The following TANGO6 variants were observed in gnomAD, a reference collection of about 807,000 sequenced individuals.
The protein encoded by TANGO6 is transport and golgi organization 6 homolog.
Under a neutral mutation model 114.2 loss-of-function variants are expected in TANGO6, and 90 were observed. The ratio of observed to expected loss-of-function variants is 0.79; its 90% CI spans 0.66 to 0.94. TANGO6 has a LOEUF of 0.94. Ranked by LOEUF, TANGO6 falls within the 40% of genes least tolerant of loss-of-function variation. TANGO6 has a pLI of 0.00. For synonymous variants in TANGO6, 477 were observed against 509.8 expected, an observed-to-expected ratio of 0.94 and a Z score of 0.87; for missense variants, 1,274 against 1,315.3, an observed-to-expected ratio of 0.97 and a Z score of 0.49.
At chr16:68,869,122 A>G (rs1962226093) in intron 4 of TANGO6, among the ~76,000 whole-genome samples, 1 of 151,960 alleles carries the variant, frequency 6.6e-6, no homozygotes, top group Admixed American at 6.6e-5. Flanking sequence ...TTAGTTTTCT[A>G]TGTGCTTATC....
At chr16:68,997,370 G>T (rs1417393350) in intron 15 of TANGO6, among the ~76,000 whole-genome samples, 1 of 152,160 alleles carries the variant, frequency 6.6e-6, no homozygotes, top group African/African-American at 2.4e-5. Context: ...TTCTGAACAG[G>T]GATGGATTAT....
chr16:68,964,012 C>A (rs896467039), intron 14 of TANGO6, among the ~76,000 whole-genome samples: 2 of 152,028 alleles, frequency 1.3e-5, no homozygotes, highest in African/African-American at 2.4e-5. Context: ...GTTGCAAATT[C>A]TTTTTACTTT....
At chr16:68,946,911 T>C (rs553667865) in intron 14 of TANGO6, among the ~76,000 whole-genome samples, 3 of 152,338 alleles carry the variant, frequency 2.0e-5, no homozygotes, top group Non-Finnish European at 4.4e-5. Flanking sequence ...TTGTACAGAT[T>C]TCACTCTTAC....
chr16:68,846,138 A>G (rs1961798287), intron 1 of TANGO6, among the ~76,000 whole-genome samples: 1 of 151,042 alleles, frequency 6.6e-6, no homozygotes, highest in African/African-American at 2.4e-5. Context: ...TGATTCTTCT[A>G]CCTCAGCCTC....
chr16:69,056,870 C>T (rs942121890), intron 17 of TANGO6, among the ~76,000 whole-genome samples: 8 of 151,920 alleles, frequency 5.3e-5, no homozygotes, highest in Admixed American at 2.6e-4. Flanking sequence ...TTTGTAGAGA[C>T]GGGGTTTCAC....
At chr16:68,912,360 G>A (rs939524610) in intron 11 of TANGO6, among the ~76,000 whole-genome samples, 1 of 151,946 alleles carries the variant, frequency 6.6e-6, no homozygotes, top group Non-Finnish European at 1.5e-5. Flanking sequence ...TAGACCGGGT[G>A]CAGTGGCTCA....
chr16:68,990,034 C>T (rs745608203), intron 15 of TANGO6, among the ~76,000 whole-genome samples: 5 of 152,118 alleles, frequency 3.3e-5, no homozygotes, highest in Non-Finnish European at 7.4e-5. Flanking sequence ...CTCTTTTTCT[C>T]TCTTTCTCGC....
intron 14 of TANGO6, among the ~76,000 whole-genome samples, chr16:68,970,160 C>T (rs1963688282): frequency 6.6e-6 from 1 of 152,014 alleles, no homozygotes; most frequent in Non-Finnish European, 1.5e-5. Context: ...TATAGTTAGC[C>T]CACTCAAACC....
intron 17 of TANGO6, among the ~76,000 whole-genome samples, chr16:69,079,555 C>G (rs934959557): frequency 1.3e-4 from 20 of 151,112 alleles, no homozygotes; most frequent in African/African-American, 1.9e-4. Context: ...ATTTGCAACT[C>G]ATATGACAGA....
At chr16:68,923,879 C>G (rs1327368872) in intron 12 of TANGO6, among the ~76,000 whole-genome samples, 1 of 152,204 alleles carries the variant, frequency 6.6e-6, no homozygotes, top group African/African-American at 2.4e-5. Flanking sequence ...TTGAAAAACA[C>G]TGCCCTCACC....
At chr16:68,899,039 G>A (rs931336877) in intron 7 of TANGO6, among the ~76,000 whole-genome samples, 16 of 151,554 alleles carry the variant, frequency 1.1e-4, no homozygotes, top group East Asian at 7.8e-4. Context: ...TAGGGAGGAC[G>A]AGACAGGAGG....
In TANGO6 at chr16:69,065,551, C is replaced by T. The variant is rs55870425; in HGVS notation, c.3109-17934C>T. Among the ~76,000 whole-genome samples, 980 of 152,292 alleles carry T rather than the reference C, an allele frequency of 6.4e-3. 8 individuals are homozygous for T. The highest frequency in any genetic ancestry group is 0.02 in the African/African-American group (839 of 41,576). ...TCCAATTTGCACTTTAGATGCTCTC[C>T]TCATTTAGTAGCCAGAAAGGGTAAA... On this transcript the variant is annotated intron_variant, in intron 17 of 17. Coordinates refer to ENST00000261778, the MANE Select transcript of TANGO6 (RefSeq NM_024562.2).
intron 1 of TANGO6, among the ~76,000 whole-genome samples, chr16:68,854,876 T>A (rs1332988978): frequency 6.6e-6 from 1 of 152,152 alleles, no homozygotes; most frequent in Non-Finnish European, 1.5e-5. Context: ...TGTTCTTGAC[T>A]GTTCTGGGTC....
At chr16:69,027,676 AT>A (rs960641432) in intron 16 of TANGO6, among the ~76,000 whole-genome samples, 1 of 150,640 alleles carries the variant, frequency 6.6e-6, no homozygotes, top group South Asian at 2.1e-4. Context: ...TGATTCCCAC[AT>A]TTTTTTTTCT....
chr16:68,894,620 T>C (rs1962678350), intron 7 of TANGO6, among the ~76,000 whole-genome samples: 1 of 151,886 alleles, frequency 6.6e-6, no homozygotes, highest in Non-Finnish European at 1.5e-5. Flanking sequence ...GGGATAAAAT[T>C]GGTATAGGCT....
intron 8 of TANGO6, among the ~76,000 whole-genome samples, chr16:68,902,074 G>C (rs1321157317): frequency 6.6e-6 from 1 of 150,458 alleles, no homozygotes; most frequent in Non-Finnish European, 1.5e-5. Context: ...AAAAAATCAC[G>C]TGGGGCTCAT....
intron 14 of TANGO6, chr16:68,973,745 C>A (rs1963733561): frequency 2.4e-6 from 1 of 416,918 alleles, no homozygotes; most frequent in East Asian, 4.4e-5. Flanking sequence ...TGGAGAACTG[C>A]AGCAAAGGCA....
At chr16:69,039,671 G>A (rs1959744668) in intron 16 of TANGO6, among the ~76,000 whole-genome samples, 1 of 152,146 alleles carries the variant, frequency 6.6e-6, no homozygotes. Flanking sequence ...AATACGTAAA[G>A]TAATTGAGCA....
At chr16:69,077,155 C>T (rs1166611028) in intron 17 of TANGO6, among the ~76,000 whole-genome samples, 1 of 152,004 alleles carries the variant, frequency 6.6e-6, no homozygotes, top group Non-Finnish European at 1.5e-5. Flanking sequence ...GATCTTCCAG[C>T]CTTAGCCTCC....
Sources: gnomAD v4.1 joint callset for allele counts (sites outside exome capture counted in the v4.1 genomes callset) on GRCh38, gnomAD v4.1.1 for gene constraint, MANE v1.5 for transcripts, NCBI Gene and HGNC (gene_info 2026-07-23, HGNC 2026-07-21) for gene names.